The following CYP2J2 variants were observed in gnomAD, a reference collection of about 807,000 sequenced individuals.
CYP2J2 encodes cytochrome P450 family 2 subfamily J member 2.
A neutral mutation model predicts 48.8 loss-of-function variants in CYP2J2; 41 were observed. That is an observed-to-expected ratio of 0.84 (90% CI 0.66 to 1.09). The LOEUF is 1.09. CYP2J2 is among the 50% of genes least tolerant of loss of function. The pLI is 0.00. For synonymous variants in CYP2J2, 221 were observed against 227.1 expected, an observed-to-expected ratio of 0.97 and a Z score of 0.24; for missense variants, 644 against 617.3, an observed-to-expected ratio of 1.04 and a Z score of -0.46.
chr1:59,915,953 T>C lies in CYP2J2; in HGVS notation c.358A>G (p.Ile120Val). The change falls in exon 2 of 9, where the codon ATC becomes GTC. Residue 120 changes from isoleucine to valine, a missense_variant. Coordinates refer to ENST00000371204, the MANE Select transcript of CYP2J2 (RefSeq NM_000775.4). The part of the protein sequence containing the change: ...NRPVTPMREH[I>V]FKKNGLIMSS... ...AGAAACTTACCATTTTTCTTAAAGA[T>C]ATGTTCTCGCATAGGGGTCACGGGG... 6.2e-7 allele frequency: 1 copy of C among 1,612,636 alleles called. No homozygotes were observed. The highest frequency in any genetic ancestry group is 8.5e-7 in the Non-Finnish European group (1 of 1,179,562).
In CYP2J2 at chr1:59,893,559, A is replaced by G. The variant is rs566171659; in HGVS notation, c.*92T>C. 7 of 953,286 alleles carry G rather than the reference A, an allele frequency of 7.3e-6. No individual in the cohort carries two copies. Among genetic ancestry groups the G allele is most frequent in the African/African-American group, 1.7e-5 (1 of 60,290 alleles). 59.1% of individuals were successfully genotyped at this position (953,286 alleles called of 1,614,324 possible). On this transcript the variant is annotated 3_prime_UTR_variant, in exon 9 of 9. Transcript: ENST00000371204. The stretch of plus-strand genomic sequence containing the variant: ...CTGATCTTTCTTGAAAGTCACTTTC[A>G]TTTTGTCCCAACACATCTGAGCAGA...
the CYP2J2 span, among the ~76,000 whole-genome samples, chr1:59,955,380 T>C: frequency 1.3e-5 from 2 of 150,778 alleles, no homozygotes; most frequent in African/African-American, 4.9e-5. Flanking sequence ...AACTTGTAGA[T>C]AGGAAGGAGG....
the CYP2J2 span, among the ~76,000 whole-genome samples, chr1:59,959,485 G>A: frequency 8.6e-5 from 13 of 151,880 alleles, no homozygotes; most frequent in African/African-American, 9.7e-5. Flanking sequence ...CACAATTCAC[G>A]ATTGCAAAAA....
chr1:59,920,448 A>T (rs1644503316), intron 1 of CYP2J2, among the ~76,000 whole-genome samples: 1 of 152,070 alleles, frequency 6.6e-6, no homozygotes, highest in South Asian at 2.1e-4. Flanking sequence ...GAGCATATAG[A>T]TAAATAATCA....
chr1:59,957,735 C>A, the CYP2J2 span, among the ~76,000 whole-genome samples: 33,741 of 151,534 alleles, frequency 0.22, 4,662 homozygotes, highest in African/African-American at 0.4. Flanking sequence ...CATGAACATT[C>A]ATTTCCAGAC....
intron 8 of CYP2J2, among the ~76,000 whole-genome samples, chr1:59,895,044 C>G (rs1474248553): frequency 6.6e-6 from 1 of 152,200 alleles, no homozygotes; most frequent in Non-Finnish European, 1.5e-5. Context: ...CCCATGAAAT[C>G]TTCAGTATGT....
the CYP2J2 span, among the ~76,000 whole-genome samples, chr1:59,935,015 CATATATATATATATATATATATAT>C: frequency 4.2e-5 from 2 of 47,496 alleles, no homozygotes; most frequent in African/African-American, 7.2e-5. Flanking sequence ...TATATATATA[CATATATATATATATATATATATAT>C]ATATATATAT....
At chr1:59,955,579 T>C in the CYP2J2 span, among the ~76,000 whole-genome samples, 34 of 152,152 alleles carry the variant, frequency 2.2e-4, no homozygotes, top group African/African-American at 7.2e-4. Flanking sequence ...ACAGTGAAGA[T>C]ACTGGGCAAC....
intron 1 of CYP2J2, among the ~76,000 whole-genome samples, chr1:59,921,866 C>T (rs551780490): frequency 4.6e-4 from 70 of 152,222 alleles, no homozygotes; most frequent in Non-Finnish European, 7.5e-4. Flanking sequence ...CTGATGCACA[C>T]ACTATATTGT....
the CYP2J2 span, among the ~76,000 whole-genome samples, chr1:59,948,589 C>A: frequency 6.6e-6 from 1 of 152,226 alleles, no homozygotes; most frequent in South Asian, 2.1e-4. Flanking sequence ...ATGGCAAAAA[C>A]CACAATTACT....
Position 59,914,556 on chromosome 1 carries a change from T to C in CYP2J2, c.373+1382A>G, listed in dbSNP as rs11572249. On this transcript the variant is annotated intron_variant, in intron 2 of 8. Coordinates refer to ENST00000371204, the MANE Select transcript of CYP2J2 (RefSeq NM_000775.4). ...TTGTATGGAATCAATGTTTAAGGGATCTAGGGCTGTGCAGGATGTGCCTTG... is the reference window on the plus strand; with the variant it reads ...TTGTATGGAATCAATGTTTAAGGGACCTAGGGCTGTGCAGGATGTGCCTTG... Among the ~76,000 whole-genome samples, 27 of 152,350 alleles carry C rather than the reference T, an allele frequency of 1.8e-4. No homozygotes were observed. The East Asian group carries it at 5.2e-3, about 29-fold the overall frequency.
chr1:59,895,194 A>G (rs1644258402), intron 8 of CYP2J2, among the ~76,000 whole-genome samples: 1 of 152,242 alleles, frequency 6.6e-6, no homozygotes, highest in Admixed American at 6.5e-5. Context: ...TCATTAGAAA[A>G]GGGTCCAGTA....
chr1:59,959,383 A>G, the CYP2J2 span, among the ~76,000 whole-genome samples: 1 of 152,160 alleles, frequency 6.6e-6, no homozygotes, highest in African/African-American at 2.4e-5. Context: ...TAGATCTGCT[A>G]TTTGATCCAG....
intron 8 of CYP2J2, among the ~76,000 whole-genome samples, chr1:59,895,325 C>T (rs978554605): frequency 6.6e-6 from 1 of 152,158 alleles, no homozygotes; most frequent in Non-Finnish European, 1.5e-5. Context: ...GATTACAGAC[C>T]AGTTGTTTTG....
chr1:59,935,031 T>TAC, the CYP2J2 span, among the ~76,000 whole-genome samples: 1 of 102,500 alleles, frequency 9.8e-6, no homozygotes, highest in African/African-American at 4.0e-5. Flanking sequence ...TATATATATA[T>TAC]ATATATATAT....
At chr1:59,924,210 A>C (rs564711769) in intron 1 of CYP2J2, among the ~76,000 whole-genome samples, 25 of 152,324 alleles carry the variant, frequency 1.6e-4, no homozygotes, top group Non-Finnish European at 3.7e-4. Flanking sequence ...CAGTGTAAAT[A>C]TACTTCAGAA....
chr1:59,905,871 T>C (rs1269038442), intron 6 of CYP2J2, among the ~76,000 whole-genome samples: 1 of 152,164 alleles, frequency 6.6e-6, no homozygotes, highest in Non-Finnish European at 1.5e-5. Context: ...TCTAGAGTAA[T>C]AGAGATTTTA....
At chr1:59,919,601 A>T (rs1644496404) in intron 1 of CYP2J2, among the ~76,000 whole-genome samples, 1 of 152,248 alleles carries the variant, frequency 6.6e-6, no homozygotes, top group Non-Finnish European at 1.5e-5. Flanking sequence ...ATAAACAAGG[A>T]AATGGGAAAT....
intron 1 of CYP2J2, 42 bp from the exon 2 acceptor site, chr1:59,916,142 C>T (rs1644463539): frequency 6.5e-7 from 1 of 1,545,362 alleles, no homozygotes; most frequent in Non-Finnish European, 8.9e-7. Context: ...ATGCACATGT[C>T]CATGTGTTCA....
Sources: gnomAD v4.1 joint callset for allele counts (sites outside exome capture counted in the v4.1 genomes callset) on GRCh38, gnomAD v4.1.1 for gene constraint, MANE v1.5 for transcripts, NCBI Gene and HGNC (gene_info 2026-07-23, HGNC 2026-07-21) for gene names.